Variants in ERC2 observed in about 807,000 individuals in gnomAD.
ERC2 encodes the protein ELKS/RAB6-interacting/CAST family member 2.
Under a neutral mutation model 114.8 loss-of-function variants are expected in ERC2, and 42 were observed. The ratio of observed to expected loss-of-function variants is 0.37; its 90% CI spans 0.29 to 0.47. The LOEUF (loss-of-function observed/expected upper bound fraction) is 0.47. ERC2 is among the 20% of genes least tolerant of loss of function. The pLI, the probability that ERC2 is intolerant of heterozygous loss-of-function variation, is 0.99. For synonymous variants in ERC2, 454 were observed against 425.5 expected, an observed-to-expected ratio of 1.07 and a Z score of -0.82; for missense variants, 939 against 1,150.7, an observed-to-expected ratio of 0.82 and a Z score of 2.66.
intron 6 of ERC2, among the ~76,000 whole-genome samples, chr3:56,088,522 C>A (rs1167315103): frequency 6.6e-6 from 1 of 151,814 alleles, no homozygotes; most frequent in Non-Finnish European, 1.5e-5. Flanking sequence ...AGCAGTAGAA[C>A]CTTGGGGGAG....
At chr3:55,678,470 C>G (rs1371976329) in intron 17 of ERC2, among the ~76,000 whole-genome samples, 1 of 152,160 alleles carries the variant, frequency 6.6e-6, no homozygotes, top group Non-Finnish European at 1.5e-5. Context: ...CTTTCAACCT[C>G]CTACAACTCT....
intron 3 of ERC2, among the ~76,000 whole-genome samples, chr3:56,290,233 CA>C (rs1383344164): frequency 6.6e-6 from 1 of 152,188 alleles, no homozygotes; most frequent in African/African-American, 2.4e-5. Context: ...TCATACCAAC[CA>C]TTATGAATTC....
chr3:56,141,727 T>C (rs571163541), intron 5 of ERC2, among the ~76,000 whole-genome samples: 40 of 152,350 alleles, frequency 2.6e-4, no homozygotes, highest in African/African-American at 8.9e-4. Flanking sequence ...CTTTCATATG[T>C]TATTGTAATG....
At chr3:56,160,384 C>T (rs1475435154) in intron 4 of ERC2, among the ~76,000 whole-genome samples, 3 of 152,080 alleles carry the variant, frequency 2.0e-5, no homozygotes, top group Non-Finnish European at 4.4e-5. Flanking sequence ...TAGATCTTTG[C>T]TGGATGTGCA....
intron 13 of ERC2, among the ~76,000 whole-genome samples, chr3:55,889,929 T>C (rs1336053250): frequency 6.6e-6 from 1 of 152,220 alleles, no homozygotes; most frequent in Non-Finnish European, 1.5e-5. Context: ...AATTATATGC[T>C]TTTAAGATTC....
At chr3:56,279,887 T>C (rs1251940560) in intron 3 of ERC2, among the ~76,000 whole-genome samples, 1 of 152,184 alleles carries the variant, frequency 6.6e-6, no homozygotes, top group Non-Finnish European at 1.5e-5. Flanking sequence ...ACAGAGGGTA[T>C]GGTAAGCTGA....
At chr3:56,391,023 G>A (rs191678088) in intron 2 of ERC2, among the ~76,000 whole-genome samples, 4 of 152,146 alleles carry the variant, frequency 2.6e-5, no homozygotes, top group South Asian at 2.1e-4. Context: ...TAGTTTCTTC[G>A]TCAGTTTAAT....
At position 55,960,005 on chromosome 3, in the gene ERC2, C is replaced by T. The variant is rs142976510; in HGVS notation, c.2268-9445G>A. ...TCAAAGCCCTGCCCAGAGCCAATAG[C>T]GCAGGAGTGCAAACAGGGAAACATT... On this transcript the variant is annotated intron_variant, in intron 12 of 17. Coordinates refer to ENST00000288221, the MANE Select transcript of ERC2 (RefSeq NM_015576.3). Among the ~76,000 whole-genome samples the T allele has an allele frequency of 3.1e-4, 47 of 152,240 alleles. No homozygotes were observed. In the East Asian group the frequency reaches 7.2e-3, roughly 23 times the overall value.
Position 55,986,135 on chromosome 3 carries a change from C to G in ERC2, c.2256-147G>C. 6 of 714,468 alleles carry G rather than the reference C, an allele frequency of 8.4e-6. No homozygotes were observed. The South Asian group carries it at 1.0e-4, about 12-fold the overall frequency. The allele number at this position is 714,468 out of a possible 1,614,324, so 44.3% of individuals were successfully genotyped here. On this transcript the variant is annotated intron_variant, in intron 11 of 17. Coordinates refer to ENST00000288221, the MANE Select transcript of ERC2 (RefSeq NM_015576.3). Reference sequence around the variant, plus strand: ...TCAGCAGGTTTATAACTAAACGAAGCAAACTTTTATCTTATATTACCCCCA... The same window carrying G: ...TCAGCAGGTTTATAACTAAACGAAGGAAACTTTTATCTTATATTACCCCCA...
chr3:56,103,363 A>G (rs561419392), intron 6 of ERC2, among the ~76,000 whole-genome samples: 2 of 152,268 alleles, frequency 1.3e-5, no homozygotes, highest in East Asian at 3.9e-4. Context: ...GGCATGATCA[A>G]ATATGCCCGC....
At chr3:56,196,252 T>G (rs1037736784) in intron 3 of ERC2, among the ~76,000 whole-genome samples, 3 of 152,114 alleles carry the variant, frequency 2.0e-5, no homozygotes, top group African/African-American at 7.2e-5. Flanking sequence ...CACTACGTGC[T>G]CATTAGACAA....
intron 17 of ERC2, among the ~76,000 whole-genome samples, chr3:55,518,707 T>C (rs895031414): frequency 8.5e-5 from 13 of 152,300 alleles, no homozygotes; most frequent in Admixed American, 8.5e-4. Flanking sequence ...AAAAAAAAAG[T>C]TCATTAAGTA....
chr3:56,293,243 G>A (rs1355676686), intron 3 of ERC2, among the ~76,000 whole-genome samples: 1 of 152,156 alleles, frequency 6.6e-6, no homozygotes, highest in African/African-American at 2.4e-5. Context: ...AACCGTGAGT[G>A]GTTAATACAC....
intron 3 of ERC2, among the ~76,000 whole-genome samples, chr3:56,203,410 G>A (rs1423753165): frequency 6.6e-6 from 1 of 152,080 alleles, no homozygotes; most frequent in Non-Finnish European, 1.5e-5. Context: ...GCTGATTAAG[G>A]CAAAAATAAA....
At chr3:56,136,421 CTT>C (rs59098775) in intron 6 of ERC2, among the ~76,000 whole-genome samples, 1,920 of 145,840 alleles carry the variant, frequency 0.013, 14 homozygotes, top group Middle Eastern at 0.017. Context: ...AGCACCATAT[CTT>C]TTTTTTTTTT....
At chr3:56,140,129 T>C (rs2080765731) in intron 5 of ERC2, among the ~76,000 whole-genome samples, 1 of 152,178 alleles carries the variant, frequency 6.6e-6, no homozygotes, top group South Asian at 2.1e-4. Context: ...AAGTAAGCAC[T>C]GGGGATCATC....
chr3:56,061,900 A>G (rs574399796), intron 7 of ERC2, among the ~76,000 whole-genome samples: 6 of 152,220 alleles, frequency 3.9e-5, no homozygotes, highest in Non-Finnish European at 7.3e-5. Context: ...AATGCAAAGG[A>G]AAATTAGCTG....
At chr3:56,041,593 C>A (rs2075195312) in intron 7 of ERC2, among the ~76,000 whole-genome samples, 1 of 152,144 alleles carries the variant, frequency 6.6e-6, no homozygotes, top group South Asian at 2.1e-4. Flanking sequence ...TCCTTCCTTC[C>A]ACCTTTCCTC....
intron 3 of ERC2, among the ~76,000 whole-genome samples, chr3:56,198,750 G>A (rs368696218): frequency 2.6e-5 from 4 of 152,340 alleles, no homozygotes; most frequent in East Asian, 3.9e-4. Context: ...TGGACTGGAG[G>A]TAAGGAAAGA....
Sources: allele counts gnomAD v4.1 joint callset (sites outside exome capture counted in the v4.1 genomes callset), GRCh38; gene constraint gnomAD v4.1.1; transcripts MANE v1.5; gene names NCBI Gene and HGNC (gene_info 2026-07-23, HGNC 2026-07-21).